The following SLIT1 variants were observed in gnomAD, a reference collection of about 807,000 sequenced individuals.
SLIT1 encodes slit homolog 1 protein.
In SLIT1, 66 loss-of-function variants were observed where a neutral mutation model predicts 186.1. The observed-to-expected ratio is 0.35, with a 90% CI of 0.29 to 0.44. SLIT1 has a LOEUF of 0.44. Among genes scored for constraint, SLIT1 ranks in the 20% least tolerant of loss-of-function variants. The pLI, the probability that SLIT1 is intolerant of heterozygous loss-of-function variation, is 1.00. For synonymous variants in SLIT1, 761 were observed against 833.8 expected (o/e 0.91, Z 1.50); for missense variants, 1,638 against 2,037.4 (o/e 0.80, Z 3.77).
intron 4 of SLIT1, among the ~76,000 whole-genome samples, chr10:97,105,321 AAC>A (rs1408962601): frequency 6.6e-6 from 1 of 152,214 alleles, no homozygotes; most frequent in African/African-American, 2.4e-5. Flanking sequence ...GAGATTCAAA[AAC>A]ACACACAAAA....
intron 25 of SLIT1, among the ~76,000 whole-genome samples, chr10:97,026,735 G>T (rs1284057306): frequency 6.6e-6 from 1 of 152,194 alleles, no homozygotes; most frequent in Non-Finnish European, 1.5e-5. Flanking sequence ...GCTGATGGCT[G>T]GCTGGCTGAA....
chr10:97,002,209 C>T lies in SLIT1; in HGVS notation c.4315G>A (p.Gly1439Arg). ...HGHCQASGTKGAHCVCDPGFS... is the reference protein window; with the variant it reads ...HGHCQASGTKRAHCVCDPGFS... ...CCGGGGTCACACACACAGTGTGCCC[C>T]CTTGGTGCCTGAGGCCTGGCAGTGG... Residue 1439 changes from glycine (G) to arginine (R), a missense_variant, in exon 36 of 37, where the codon GGG becomes AGG. Gly to Arg is a moderately radical substitution (Grantham distance 125). Transcript: ENST00000266058. 1.3e-6 allele frequency: 2 copies of T among 1,580,152 alleles called. No individual in the cohort carries two copies. The highest frequency in any genetic ancestry group is 2.3e-5 in the South Asian group (2 of 87,992).
chr10:97,064,179 C>T lies in SLIT1; in HGVS notation c.618G>A (p.Lys206=), dbSNP rs1447178038. The T allele has an allele frequency of 6.2e-7, 1 of 1,613,234 alleles. No homozygotes were observed. Among genetic ancestry groups the T allele is most frequent in the African/African-American group, 1.3e-5 (1 of 74,888 alleles). Residue 206 remains lysine, a synonymous_variant, in exon 7 of 37, where the codon AAG becomes AAA. Coordinates refer to ENST00000266058, the MANE Select transcript of SLIT1 (RefSeq NM_003061.3). ...CCCGGCTGACTCACAAGGTCCGTAGCTTGGGCATATGGTTGAAGCTGGACA... is the reference window on the plus strand; with the variant it reads ...CCCGGCTGACTCACAAGGTCCGTAGTTTGGGCATATGGTTGAAGCTGGACA... The part of the protein sequence containing the change: ...IPVSSFNHMP[K]LRTFRLHSNH...
intron 4 of SLIT1, among the ~76,000 whole-genome samples, chr10:97,070,479 C>T (rs1018632660): frequency 3.3e-5 from 5 of 152,186 alleles, no homozygotes; most frequent in African/African-American, 1.2e-4. Context: ...CACATGCCTG[C>T]AAGACACATT....
In SLIT1 at chr10:97,030,779, C is replaced by T; in HGVS notation, c.2560G>A (p.Asp854Asn). 6.2e-7 allele frequency: 1 copy of T among 1,614,098 alleles called. No homozygotes were observed. Among genetic ancestry groups the T allele is most frequent in the Non-Finnish European group, 8.5e-7 (1 of 1,179,986 alleles). The change falls in exon 25 of 37, where the codon GAC becomes AAC. Residue 854 changes from aspartate to asparagine, a missense_variant. Physicochemically the swap from Asp to Asn is conservative, Grantham distance 23. Around this residue, in one of 3 missense-constraint regions of SLIT1, gnomAD observed 1,245 missense variants for 1,535.3 expected, o/e 0.81. Transcript: ENST00000266058. ...CACAGGTGAGACAGGGAGGTCACGT[C>T]TGCAAAGATGCCCTCTTGGAGGGTG... is the stretch of plus-strand genomic sequence containing the variant. Reference protein sequence around the residue: ...ISTLQEGIFADVTSLSHLAIG... With the variant: ...ISTLQEGIFANVTSLSHLAIG...
At chr10:97,087,223 C>T (rs1849172162) in intron 4 of SLIT1, among the ~76,000 whole-genome samples, 1 of 152,016 alleles carries the variant, frequency 6.6e-6, no homozygotes, top group African/African-American at 2.4e-5. Context: ...TCCAGGGGGC[C>T]TGTTCTCCAG....
At chr10:97,121,221 T>A (rs1460992382) in intron 4 of SLIT1, among the ~76,000 whole-genome samples, 1 of 152,192 alleles carries the variant, frequency 6.6e-6, no homozygotes, top group Non-Finnish European at 1.5e-5. Context: ...GACCCACATT[T>A]TCACTTTTAT....
intron 3 of SLIT1, among the ~76,000 whole-genome samples, chr10:97,161,694 C>T (rs1850028452): frequency 6.6e-6 from 1 of 152,190 alleles, no homozygotes; most frequent in Non-Finnish European, 1.5e-5. Flanking sequence ...AGGAGAATCG[C>T]TTGAACCCAA....
chr10:97,030,518 C>T (rs974027400), intron 25 of SLIT1, among the ~76,000 whole-genome samples: 2 of 152,176 alleles, frequency 1.3e-5, no homozygotes, highest in Non-Finnish European at 2.9e-5. Flanking sequence ...GCACAGCAAT[C>T]GATCAATGGT....
chr10:97,087,373 CA>C (rs1849173707), intron 4 of SLIT1, among the ~76,000 whole-genome samples: 1 of 152,242 alleles, frequency 6.6e-6, no homozygotes, highest in South Asian at 2.1e-4. Flanking sequence ...CCTGTTCCCC[CA>C]AACAAACACT....
chr10:97,033,708 A>C (rs1035761059), intron 23 of SLIT1, among the ~76,000 whole-genome samples: 2 of 152,172 alleles, frequency 1.3e-5, no homozygotes, highest in African/African-American at 4.8e-5. Context: ...CGACAAAATT[A>C]GACTATATTA....
chr10:97,063,378 T>C (rs1319999267), intron 8 of SLIT1, 77 bp downstream of exon 8: 4 of 1,524,402 alleles, frequency 2.6e-6, no homozygotes, highest in Non-Finnish European at 3.6e-6. Context: ...GGTATTAATG[T>C]CGAGATTAGG....
chr10:97,080,071 A>T (rs1420180789), intron 4 of SLIT1, among the ~76,000 whole-genome samples: 2 of 152,236 alleles, frequency 1.3e-5, no homozygotes, highest in East Asian at 3.8e-4. Context: ...AAATAGGTAG[A>T]AATATCAAAC....
At chr10:97,083,871 C>T (rs947818144) in intron 4 of SLIT1, among the ~76,000 whole-genome samples, 39 of 152,240 alleles carry the variant, frequency 2.6e-4, no homozygotes, top group African/African-American at 8.2e-4. Flanking sequence ...TTGAGGTCTC[C>T]GAGAATGAAG....
At chr10:97,106,535 C>T (rs930602176) in intron 4 of SLIT1, among the ~76,000 whole-genome samples, 1 of 152,136 alleles carries the variant, frequency 6.6e-6, no homozygotes, top group Non-Finnish European at 1.5e-5. Context: ...GTGTTTATTG[C>T]CCAGTGCAGC....
chr10:97,182,838 C>G (rs557971718), intron 1 of SLIT1, among the ~76,000 whole-genome samples: 2 of 152,134 alleles, frequency 1.3e-5, no homozygotes, highest in South Asian at 4.1e-4. Flanking sequence ...CATACTCACA[C>G]CTGCTGGCTT....
intron 36 of SLIT1, among the ~76,000 whole-genome samples, chr10:97,001,916 CA>C (rs953229457): frequency 8.5e-5 from 13 of 152,050 alleles, no homozygotes; most frequent in African/African-American, 1.2e-4. Flanking sequence ...GTCTCTTCTG[CA>C]AGGAGAGACC....
At chr10:97,031,480 A>G in intron 24 of SLIT1, 126 bp downstream of exon 24, 1 of 672,436 alleles carries the variant, frequency 1.5e-6, no homozygotes, top group African/African-American at 1.8e-5. Flanking sequence ...CTTAAGTGAC[A>G]GCACTCTGGA....
In SLIT1 at chr10:97,139,060, G is replaced by T. The variant is rs1263486421; in HGVS notation, c.413+18758C>A. 2.0e-5 allele frequency among the ~76,000 whole-genome samples: 3 copies of T among 152,212 alleles called. No homozygotes were observed. In the East Asian group the frequency reaches 5.8e-4, roughly 29 times the overall value. On this transcript the variant is annotated intron_variant, in intron 4 of 36. Coordinates refer to ENST00000266058, the MANE Select transcript of SLIT1 (RefSeq NM_003061.3). Reference sequence around the variant, plus strand: ...CAGGCAGCAGGCTTGTAATGAGTTGGTCGGGTGAATGAATGCATCCATGCA... The same window carrying T: ...CAGGCAGCAGGCTTGTAATGAGTTGTTCGGGTGAATGAATGCATCCATGCA...
Sources: gnomAD v4.1 joint callset for allele counts (sites outside exome capture counted in the v4.1 genomes callset) on GRCh38, gnomAD v4.1.1 for gene constraint, gnomAD v4.1.1 regional missense constraint, MANE v1.5 for transcripts, NCBI Gene and HGNC (gene_info 2026-07-23, HGNC 2026-07-21) for gene names.